The following CHDH variants were observed in gnomAD, a reference collection of about 807,000 sequenced individuals.
CHDH encodes choline dehydrogenase, mitochondrial.
Under a neutral mutation model 56.9 loss-of-function variants are expected in CHDH, and 43 were observed. That is an observed-to-expected ratio of 0.76 (90% CI 0.59 to 0.97). The LOEUF (loss-of-function observed/expected upper bound fraction) is 0.97. Ranked by LOEUF, CHDH falls within the 50% of genes least tolerant of loss-of-function variation. The pLI, the probability that CHDH is intolerant of heterozygous loss-of-function variation, is 0.00. For missense variants in CHDH, 816 were observed against 821.1 expected, an observed-to-expected ratio of 0.99 and a Z score of 0.08; for synonymous variants, 364 against 348.5, an observed-to-expected ratio of 1.04 and a Z score of -0.50.
Position 53,823,364 on chromosome 3 carries a change from C to T in CHDH, c.645G>A (p.Glu215=). 1.9e-6 allele frequency: 3 copies of T among 1,604,328 alleles called. No homozygotes were observed. The highest frequency in any genetic ancestry group is 2.6e-6 in the Non-Finnish European group (3 of 1,174,856). ...ATQQAGYPLT[E]DMNGFQQEGF... ...CCTCCTGCTGGAAGCCATTCATGTC[C>T]TCGGTGAGCGGGTAGCCGGCCTGCT... Residue 215 remains glutamate, a synonymous_variant, in exon 3 of 9, where the codon GAG becomes GAA. Coordinates refer to ENST00000315251, the MANE Select transcript of CHDH (RefSeq NM_018397.5).
intron 5 of CHDH, 35 bp from the exon 6 acceptor site, chr3:53,820,643 C>T: frequency 1.9e-6 from 3 of 1,593,882 alleles, no homozygotes; most frequent in African/African-American, 1.3e-5. Context: ...AAAATGGCTA[C>T]CAAGGGGGCT....
At chr3:53,820,426 C>G in intron 6 of CHDH, 48 bp downstream of exon 6, 2 of 1,567,878 alleles carry the variant, frequency 1.3e-6, no homozygotes, top group Non-Finnish European at 1.7e-6. Context: ...AAGGAGGTCT[C>G]AATGCTTATA....
intron 2 of CHDH, among the ~76,000 whole-genome samples, chr3:53,830,695 A>C (rs1485122794): frequency 6.6e-6 from 1 of 152,230 alleles, no homozygotes; most frequent in Non-Finnish European, 1.5e-5. Context: ...AAGAGAATAT[A>C]CATTTTTTCC....
rs2095617064 is a variant in CHDH at position 53,816,980 on chromosome 3, G to A, written c.*797C>T. On this transcript the variant is annotated 3_prime_UTR_variant, in exon 9 of 9. Transcript: ENST00000315251. ...CCCGCCTCAGCCTCCCAAGTAGCTG[G>A]GACTACAGGTGTGTACCACCATGCC... The A allele has an allele frequency of 6.6e-6, 1 of 151,962 alleles. No homozygotes were observed. The highest frequency in any genetic ancestry group is 2.4e-5 in the African/African-American group (1 of 41,270). The allele number at this position is 151,962 out of a possible 1,614,324, so 9.4% of individuals were successfully genotyped here.
At chr3:53,822,132 A>C (rs1419811727) in intron 4 of CHDH, among the ~76,000 whole-genome samples, 1 of 152,234 alleles carries the variant, frequency 6.6e-6, no homozygotes, top group Non-Finnish European at 1.5e-5. Context: ...AACAACACAG[A>C]AATAGAGTAC....
At chr3:53,842,765 G>A (rs775747565) in intron 1 of CHDH, among the ~76,000 whole-genome samples, 2 of 152,138 alleles carry the variant, frequency 1.3e-5, no homozygotes, top group Non-Finnish European at 2.9e-5. Flanking sequence ...AGCCCTCAGT[G>A]TGGCTTCAGG....
rs2095621290 is a variant in CHDH, at chr3:53,819,151, A to G, written c.1264-111T>C. ...GCCTCTGCTTCCAGAATCAGTGGGGAACAGATGCATGTTAGCATTTGCCCG... is the reference window on the plus strand; with the variant it reads ...GCCTCTGCTTCCAGAATCAGTGGGGGACAGATGCATGTTAGCATTTGCCCG... On this transcript the variant is annotated intron_variant, in intron 7 of 8. Coordinates refer to ENST00000315251, the MANE Select transcript of CHDH (RefSeq NM_018397.5). The surrounding 1 kb of genome is among the most constrained non-coding windows in gnomAD (Gnocchi z 5.4). 1 of 727,822 alleles carries G rather than the reference A, an allele frequency of 1.4e-6. No homozygotes were observed. The highest frequency in any genetic ancestry group is 1.7e-5 in the South Asian group (1 of 58,274). The allele number at this position is 727,822 out of a possible 1,614,324, so 45.1% of individuals were successfully genotyped here. A position where few individuals can be genotyped will look rare whatever the true frequency, so the allele number is the denominator to read the frequency against.
intron 5 of CHDH, among the ~76,000 whole-genome samples, chr3:53,821,065 T>C (rs1440896885): frequency 6.6e-6 from 1 of 152,234 alleles, no homozygotes; most frequent in East Asian, 1.9e-4. Flanking sequence ...ACTGGGACAC[T>C]GGGCAGGTCA....
In CHDH at chr3:53,819,296, C is replaced by T. The variant is rs893932510; in HGVS notation, c.1263+236G>A. 6.6e-6 allele frequency among the ~76,000 whole-genome samples: 1 copy of T among 152,178 alleles called. No homozygotes were observed. The highest frequency in any genetic ancestry group is 2.4e-5 in the African/African-American group (1 of 41,428). On this transcript the variant is annotated intron_variant, in intron 7 of 8. Coordinates refer to ENST00000315251, the MANE Select transcript of CHDH (RefSeq NM_018397.5). The surrounding 1 kb of genome is among the most constrained non-coding windows in gnomAD (Gnocchi z 5.4). ...GGTGATCCCAGAGCCAAGTCAGCCC[C>T]TCTGTTTGTCCCATTTCTGGTGCTC...
rs781640035 is a variant in CHDH at position 53,823,980 on chromosome 3, C to G, written c.29G>C (p.Arg10Pro). MWCLLRGLG[R>P]PGALARGALG... ...GGCTCCCCGTGCCAGGGCTCCAGGC[C>G]GGCCCAGGCCTCGTAGGAGACACCA... The change falls in exon 3 of 9, where the codon CGG becomes CCG. Residue 10 changes from arginine to proline, a missense_variant. Physicochemically the swap from Arg to Pro is moderately radical, Grantham distance 103. Coordinates refer to ENST00000315251, the MANE Select transcript of CHDH (RefSeq NM_018397.5). 2.7e-6 allele frequency: 4 copies of G among 1,503,582 alleles called. No individual in the cohort carries two copies. Among genetic ancestry groups the G allele is most frequent in the African/African-American group, 1.4e-5 (1 of 71,052 alleles). 93.1% of individuals were successfully genotyped at this position (1,503,582 alleles called of 1,614,324 possible).
rs1284357338 is a variant in CHDH at position 53,816,776 on chromosome 3, G to A, written c.*1001C>T. Reference sequence around the variant, plus strand: ...ATGCTAAGTCATAAAACCTTTGGTAGTGAAGCCAAGCGGCATTCCCTCCAG... The same window carrying A: ...ATGCTAAGTCATAAAACCTTTGGTAATGAAGCCAAGCGGCATTCCCTCCAG... On this transcript the variant is annotated 3_prime_UTR_variant, in exon 9 of 9. Transcript: ENST00000315251. 3 of 151,538 alleles carry A rather than the reference G, an allele frequency of 2.0e-5. No individual in the cohort carries two copies. The highest frequency in any genetic ancestry group is 7.3e-5 in the African/African-American group (3 of 41,214). The allele number at this position is 151,538 out of a possible 1,614,324, so 9.4% of individuals were successfully genotyped here.
chr3:53,820,433 T>C, intron 6 of CHDH, 41 bp downstream of exon 6: 1 of 1,584,040 alleles, frequency 6.3e-7, no homozygotes, highest in Non-Finnish European at 8.6e-7. Context: ...TCTCAATGCT[T>C]ATAGGCAGTC....
chr3:53,830,011 A>G (rs1698284427), intron 2 of CHDH, among the ~76,000 whole-genome samples: 1 of 152,224 alleles, frequency 6.6e-6, no homozygotes. Flanking sequence ...AGGAAACATG[A>G]CATACTTAGT....
intron 2 of CHDH, among the ~76,000 whole-genome samples, chr3:53,830,500 A>C (rs749473933): frequency 1.3e-5 from 2 of 151,962 alleles, no homozygotes; most frequent in African/African-American, 2.4e-5. Context: ...CCCCAAAATG[A>C]AGCAAACAAT....
intron 2 of CHDH, among the ~76,000 whole-genome samples, chr3:53,825,086 A>G (rs1298625528): frequency 1.3e-5 from 2 of 152,180 alleles, no homozygotes; most frequent in Non-Finnish European, 2.9e-5. Context: ...AACTCTTCAG[A>G]GCTCCAGGCC....
At chr3:53,843,760 G>A (rs1013159769) in intron 1 of CHDH, among the ~76,000 whole-genome samples, 4 of 152,096 alleles carry the variant, frequency 2.6e-5, no homozygotes, top group African/African-American at 9.7e-5. Flanking sequence ...ACTGAAGGGA[G>A]AAGGTCAGAA....
At chr3:53,836,673 G>A (rs141610226) in intron 2 of CHDH, among the ~76,000 whole-genome samples, 1 of 152,354 alleles carries the variant, frequency 6.6e-6, no homozygotes, top group East Asian at 1.9e-4. Context: ...TGAGGCTGGC[G>A]CTGCGTCATG....
At chr3:53,841,245 C>G (rs1168293156) in intron 1 of CHDH, among the ~76,000 whole-genome samples, 1 of 152,042 alleles carries the variant, frequency 6.6e-6, no homozygotes, top group Non-Finnish European at 1.5e-5. Context: ...TGTTATGGAC[C>G]AGACATGGAA....
chr3:53,820,689 TTC>T, intron 5 of CHDH, 81 bp from the exon 6 acceptor site: 1 of 1,512,974 alleles, frequency 6.6e-7, no homozygotes, highest in East Asian at 2.3e-5. Context: ...TTTTGAAAAA[TTC>T]TTTCCTATTC....
Sources: allele counts gnomAD v4.1 joint callset (sites outside exome capture counted in the v4.1 genomes callset), GRCh38; gene constraint gnomAD v4.1.1; non-coding constraint Gnocchi (gnomAD v3.1); transcripts MANE v1.5; gene names NCBI Gene and HGNC (gene_info 2026-07-23, HGNC 2026-07-21).